Variants in RGS7 observed in about 807,000 individuals in gnomAD.
RGS7 encodes the protein regulator of G-protein signaling 7.
A neutral mutation model predicts 81.1 loss-of-function variants in RGS7; 27 were observed. The ratio of observed to expected loss-of-function variants is 0.33; its 90% CI spans 0.25 to 0.46. RGS7 has a LOEUF of 0.46. Ranked by LOEUF, RGS7 falls within the 20% of genes least tolerant of loss-of-function variation. The pLI, the probability that RGS7 is intolerant of heterozygous loss-of-function variation, is 1.00. For missense variants in RGS7, 396 were observed against 607.4 expected, an observed-to-expected ratio of 0.65 and a Z score of 3.66; for synonymous variants, 208 against 207.7, an observed-to-expected ratio of 1.00 and a Z score of -0.01.
At chr1:240,833,202 C>T (rs1340279300) in intron 9 of RGS7, among the ~76,000 whole-genome samples, 1 of 152,112 alleles carries the variant, frequency 6.6e-6, no homozygotes, top group Non-Finnish European at 1.5e-5. Context: ...GATCTGATAA[C>T]CTAGAAGACT....
At chr1:241,199,319 G>A (rs910631586) in intron 2 of RGS7, among the ~76,000 whole-genome samples, 5 of 152,046 alleles carry the variant, frequency 3.3e-5, no homozygotes, top group Admixed American at 2.6e-4. Context: ...TTAGCTGGGT[G>A]TGGTGGCATG....
chr1:241,333,663 G>A (rs1007443829), intron 2 of RGS7, among the ~76,000 whole-genome samples: 1 of 152,024 alleles, frequency 6.6e-6, no homozygotes, highest in African/African-American at 2.4e-5. Context: ...TAATGGTCAT[G>A]GTTTGACTGA....
At chr1:240,961,868 G>A (rs1382860753) in intron 4 of RGS7, among the ~76,000 whole-genome samples, 1 of 151,972 alleles carries the variant, frequency 6.6e-6, no homozygotes, top group Non-Finnish European at 1.5e-5. Context: ...TGCAAGCTCA[G>A]AGAGAAAAAG....
At chr1:241,052,043 G>A (rs2061278888) in intron 3 of RGS7, among the ~76,000 whole-genome samples, 1 of 152,054 alleles carries the variant, frequency 6.6e-6, no homozygotes, top group South Asian at 2.1e-4. Flanking sequence ...CCAGAGATGT[G>A]AACACCTTCC....
chr1:241,335,802 T>A (rs1051436059), intron 2 of RGS7, among the ~76,000 whole-genome samples: 5 of 152,128 alleles, frequency 3.3e-5, no homozygotes, highest in African/African-American at 1.2e-4. Context: ...CTTCCCATGA[T>A]ACAAATACTC....
intron 2 of RGS7, among the ~76,000 whole-genome samples, chr1:241,345,632 C>T (rs1476784145): frequency 6.6e-6 from 1 of 152,142 alleles, no homozygotes; most frequent in Non-Finnish European, 1.5e-5. Context: ...GAATTAGAGA[C>T]TATTGCAATA....
intron 6 of RGS7, among the ~76,000 whole-genome samples, chr1:240,904,546 T>C (rs985380501): frequency 9.2e-5 from 14 of 152,248 alleles, no homozygotes; most frequent in African/African-American, 3.4e-4. Context: ...TCTTCCTTCC[T>C]CTGTCTCTCT....
intron 2 of RGS7, among the ~76,000 whole-genome samples, chr1:241,249,423 C>T (rs2076723298): frequency 6.6e-6 from 1 of 152,016 alleles, no homozygotes; most frequent in African/African-American, 2.4e-5. Context: ...CTACTGTTCC[C>T]TTGAAATATT....
chr1:241,079,738 C>T (rs1164364338), intron 3 of RGS7, among the ~76,000 whole-genome samples: 1 of 152,022 alleles, frequency 6.6e-6, no homozygotes, highest in East Asian at 1.9e-4. Context: ...CAGCATTTTA[C>T]AAAAACACAT....
chr1:241,016,145 T>C (rs561223546), intron 3 of RGS7, among the ~76,000 whole-genome samples: 290 of 152,300 alleles, frequency 1.9e-3, no homozygotes, highest in African/African-American at 6.5e-3. Context: ...TACGATGGGA[T>C]AACATGGATG....
chr1:241,281,482 G>A (rs920302140), intron 2 of RGS7, among the ~76,000 whole-genome samples: 2 of 152,174 alleles, frequency 1.3e-5, no homozygotes, highest in African/African-American at 2.4e-5. Flanking sequence ...AGTGCAAACC[G>A]TAAACGCTGA....
chr1:241,110,360 T>A (rs943746183), intron 2 of RGS7, among the ~76,000 whole-genome samples: 4 of 152,172 alleles, frequency 2.6e-5, no homozygotes, highest in Non-Finnish European at 5.9e-5. Flanking sequence ...GGTGCTTGAT[T>A]TCAGACAAGC....
rs2083526176 is a variant in RGS7 at position 241,355,846 on chromosome 1, C to T, written c.-50-20G>A. On this transcript the variant is annotated intron_variant, in intron 1 of 18. Transcript: ENST00000440928. ...TGTGCCCTGCAAAGGGTCAGAGAGA[C>T]TTCAGTGAGATCCCAGTGGGACTCC... The T allele has an allele frequency of 7.7e-7, 1 of 1,302,924 alleles. No individual in the cohort carries two copies. The highest frequency in any genetic ancestry group is 1.4e-5 in the African/African-American group (1 of 68,986). The allele number at this position is 1,302,924 out of a possible 1,614,324, so 80.7% of individuals were successfully genotyped here.
chr1:241,075,939 A>T (rs2062771641), intron 3 of RGS7, among the ~76,000 whole-genome samples: 1 of 152,030 alleles, frequency 6.6e-6, no homozygotes, highest in African/African-American at 2.4e-5. Flanking sequence ...TGTCAGTACA[A>T]CTCCTTTTGA....
intron 2 of RGS7, among the ~76,000 whole-genome samples, chr1:241,222,709 T>G (rs2075081702): frequency 6.6e-6 from 1 of 152,180 alleles, no homozygotes; most frequent in Non-Finnish European, 1.5e-5. Context: ...AAACAGAGAT[T>G]AAGGTAACTT....
intron 3 of RGS7, among the ~76,000 whole-genome samples, chr1:241,074,033 T>C (rs1204506183): frequency 2.0e-5 from 3 of 152,068 alleles, no homozygotes; most frequent in African/African-American, 7.2e-5. Context: ...CTCGAGTAGC[T>C]GAGATTACAG....
At chr1:240,912,239 GTTA>G (rs1671896188) in intron 6 of RGS7, among the ~76,000 whole-genome samples, 1 of 147,478 alleles carries the variant, frequency 6.8e-6, no homozygotes, top group Non-Finnish European at 1.5e-5. Flanking sequence ...GCTGGTAAGT[GTTA>G]TTCCAATTTC....
intron 4 of RGS7, among the ~76,000 whole-genome samples, chr1:240,950,104 C>G (rs1314026323): frequency 1.3e-5 from 2 of 152,084 alleles, no homozygotes; most frequent in Non-Finnish European, 2.9e-5. Context: ...CATAAACTGA[C>G]AGAAACATGA....
intron 6 of RGS7, among the ~76,000 whole-genome samples, chr1:240,892,198 G>C (rs1156411773): frequency 6.6e-6 from 1 of 152,016 alleles, no homozygotes; most frequent in Non-Finnish European, 1.5e-5. Flanking sequence ...TATGTACTTT[G>C]CTTGCATTCT....
Sources: gnomAD v4.1 joint callset for allele counts (sites outside exome capture counted in the v4.1 genomes callset) on GRCh38, gnomAD v4.1.1 for gene constraint, MANE v1.5 for transcripts, NCBI Gene and HGNC (gene_info 2026-07-23, HGNC 2026-07-21) for gene names.